Variants in HABP4 observed in about 807,000 individuals in gnomAD.
HABP4 encodes the protein intracellular hyaluronan-binding protein 4.
HABP4 carries 32 observed loss-of-function variants against 44.1 expected under a neutral mutation model. That is an observed-to-expected ratio of 0.73 (90% confidence interval 0.55 to 0.97). The LOEUF (loss-of-function observed/expected upper bound fraction) is 0.97. Ranked by LOEUF, HABP4 falls within the 50% of genes least tolerant of loss-of-function variation. The pLI is 0.00. For missense variants in HABP4, 503 were observed against 561.9 expected (o/e 0.90, Z 1.06); for synonymous variants, 216 against 218.0 (o/e 0.99, Z 0.08).
intron 1 of HABP4, among the ~76,000 whole-genome samples, chr9:96,454,485 C>G (rs1267262048): frequency 7.1e-6 from 1 of 141,248 alleles, no homozygotes; most frequent in Non-Finnish European, 1.5e-5. Flanking sequence ...GAGTCTCGCT[C>G]TGTTGCCCAG....
In HABP4 at chr9:96,450,723, G is replaced by C; in HGVS notation, c.349+95G>C. 9.6e-7 allele frequency: 1 copy of C among 1,043,688 alleles called. No homozygotes were observed. Among genetic ancestry groups the C allele is most frequent in the East Asian group, 3.5e-5 (1 of 28,542 alleles). 64.7% of individuals were successfully genotyped at this position (1,043,688 alleles called of 1,614,324 possible). A position where few individuals can be genotyped will look rare whatever the true frequency, so the allele number is the denominator to read the frequency against. ...TTTCAGGAGGAGGGGCCCGGGAACA[G>C]TAGGGAGAGTTGAGGGTCCTGGTGG... is the stretch of plus-strand genomic sequence containing the variant. On this transcript the variant is annotated intron_variant, in intron 1 of 7. Transcript: ENST00000375249. The surrounding 1 kb of genome is among the most constrained non-coding windows in gnomAD (Gnocchi z 4.8).
intron 6 of HABP4, among the ~76,000 whole-genome samples, chr9:96,486,935 C>T (rs1832985904): frequency 1.3e-5 from 2 of 152,100 alleles, no homozygotes; most frequent in East Asian, 3.8e-4. Context: ...AGCAGGGACC[C>T]CAGGGAGACC....
At chr9:96,487,804 C>T (rs1232001338) in intron 6 of HABP4, among the ~76,000 whole-genome samples, 2 of 152,184 alleles carry the variant, frequency 1.3e-5, no homozygotes, top group East Asian at 3.8e-4. Context: ...GAAATTTGGT[C>T]CCACTTGAAA....
At chr9:96,475,390 C>CAACAAA (rs368432005) in intron 5 of HABP4, among the ~76,000 whole-genome samples, 64 of 94,118 alleles carry the variant, frequency 6.8e-4, no homozygotes, top group African/African-American at 1.1e-3. Context: ...ACAACAACAA[C>CAACAAA]AAAAAAAAAA....
chr9:96,456,771 AAAAAAAAAAATAT>A lies in HABP4; in HGVS notation c.350-1606_350-1594del, dbSNP rs1187188836. ...CAAGACTCCATCTCAAAAAAAAAAA[AAAAAAAAAAATAT>A]ATATATATATATATATATATATATA... is the stretch of plus-strand genomic sequence containing the variant. On this transcript the variant is annotated intron_variant, in intron 1 of 7. Coordinates refer to ENST00000375249, the MANE Select transcript of HABP4 (RefSeq NM_014282.4). 5.7e-5 allele frequency among the ~76,000 whole-genome samples: 4 copies of A among 70,730 alleles called. No individual in the cohort carries two copies. The East Asian group carries it at 1.9e-3, about 33-fold the overall frequency. 46.4% of individuals were successfully genotyped at this position (70,730 alleles called of 152,430 possible). A position where few individuals can be genotyped will look rare whatever the true frequency, so the allele number is the denominator to read the frequency against.
At chr9:96,474,693 A>G (rs748012918) in intron 5 of HABP4, among the ~76,000 whole-genome samples, 6 of 152,184 alleles carry the variant, frequency 3.9e-5, no homozygotes, top group Non-Finnish European at 7.3e-5. Flanking sequence ...TAATAATACA[A>G]TTATAATTTT....
At chr9:96,480,306 A>G (rs187880755) in intron 5 of HABP4, among the ~76,000 whole-genome samples, 5 of 152,350 alleles carry the variant, frequency 3.3e-5, no homozygotes, top group Admixed American at 1.3e-4. Context: ...CCATAGCAGT[A>G]TATACAGATA....
Position 96,458,492 on chromosome 9 carries a change from G to C in HABP4, c.463G>C (p.Glu155Gln), listed in dbSNP as rs534804097. 6.2e-7 allele frequency: 1 copy of C among 1,613,606 alleles called. No homozygotes were observed. The highest frequency in any genetic ancestry group is 1.3e-5 in the African/African-American group (1 of 75,036). ...RRSYREYRPY[E>Q]TERQADFTAE... ...ATCCTACAGGGAATACCGACCCTAT[G>C]AGACAGAGAGGCAGGCAGACTTCAC... Residue 155 changes from glutamate (E) to glutamine (Q), a missense_variant, in exon 2 of 8, where the codon GAG becomes CAG. This residue lies in a region of HABP4 where 290 missense variants were observed against 300.5 expected (regional missense o/e 0.97). Coordinates refer to ENST00000375249, the MANE Select transcript of HABP4 (RefSeq NM_014282.4).
chr9:96,451,161 C>G (rs539215793), intron 1 of HABP4, among the ~76,000 whole-genome samples: 1 of 152,340 alleles, frequency 6.6e-6, no homozygotes, highest in South Asian at 2.1e-4. Context: ...TCCGGCCTGG[C>G]GCCTTCGCCC....
chr9:96,478,597 T>C (rs1187629243), intron 5 of HABP4, among the ~76,000 whole-genome samples: 1 of 152,154 alleles, frequency 6.6e-6, no homozygotes, highest in African/African-American at 2.4e-5. Context: ...ATGGTCAGTT[T>C]TTATAACTTT....
At chr9:96,475,427 T>C (rs1345877668) in intron 5 of HABP4, among the ~76,000 whole-genome samples, 1 of 150,870 alleles carries the variant, frequency 6.6e-6, no homozygotes, top group African/African-American at 2.5e-5. Flanking sequence ...GAATAACATT[T>C]TTAGAGCATT....
In HABP4 at chr9:96,488,710, C is replaced by A. The variant is rs1364308499; in HGVS notation, c.1185+436C>A. Among the ~76,000 whole-genome samples the A allele has an allele frequency of 1.3e-5, 2 of 152,262 alleles. No individual in the cohort carries two copies. The highest frequency in any genetic ancestry group is 2.1e-4 in the South Asian group (1 of 4,826). On this transcript the variant is annotated intron_variant, in intron 7 of 7. Coordinates refer to ENST00000375249, the MANE Select transcript of HABP4 (RefSeq NM_014282.4). This position sits in a 1 kb window ranked among gnomAD's most constrained non-coding sequence, Gnocchi z 4.6. ...CCTCCCCGGCTCACCTGCCTCACAC[C>A]GTCCTCAGCCAAGGCTGCCTGATTC...
At chr9:96,455,457 C>CAAA (rs34929442) in intron 1 of HABP4, among the ~76,000 whole-genome samples, 23 of 62,942 alleles carry the variant, frequency 3.7e-4, no homozygotes, top group African/African-American at 5.0e-4. Context: ...GAGACTGTCT[C>CAAA]AAAAAAAAAA....
intron 5 of HABP4, among the ~76,000 whole-genome samples, chr9:96,482,394 C>A (rs1384849624): frequency 6.6e-6 from 1 of 152,204 alleles, no homozygotes; most frequent in African/African-American, 2.4e-5. Context: ...GTTCCTTTTG[C>A]ACCTGGCTTA....
chr9:96,484,632 A>T lies in HABP4; in HGVS notation c.998A>T (p.Asp333Val). The change falls in exon 6 of 8, where the codon GAT (aspartate) becomes GTT (valine). Residue 333 changes from aspartate (D) to valine (V), a missense_variant and splice_region_variant. Physicochemically the swap from Asp to Val is radical, Grantham distance 152 (BLOSUM62 -3). Around this residue, in one of 3 missense-constraint regions of HABP4, gnomAD observed 131 missense variants for 189.8 expected, o/e 0.69. Coordinates refer to ENST00000375249, the MANE Select transcript of HABP4 (RefSeq NM_014282.4). ...ATTCACAAGTCAAAATACAGAGATGATGTAAGCATTGCATTTCGTATGTAG... is the reference window on the plus strand; with the variant it reads ...ATTCACAAGTCAAAATACAGAGATGTTGTAAGCATTGCATTTCGTATGTAG... ...VVIHKSKYRD[D>V]MVKDDYEDDS... 2 of 1,526,596 alleles carry T rather than the reference A, an allele frequency of 1.3e-6. No homozygotes were observed. The highest frequency in any genetic ancestry group is 1.8e-6 in the Non-Finnish European group (2 of 1,102,164). The allele number at this position is 1,526,596 out of a possible 1,614,324, so 94.6% of individuals were successfully genotyped here.
intron 2 of HABP4, among the ~76,000 whole-genome samples, chr9:96,461,868 A>G (rs1564160899): frequency 6.6e-6 from 1 of 152,186 alleles, no homozygotes; most frequent in African/African-American, 2.4e-5. Flanking sequence ...GCTATAAGAA[A>G]TGCTCTTGGC....
In HABP4 at chr9:96,488,429, G is replaced by A. The variant is rs1036740166; in HGVS notation, c.1185+155G>A. Among the ~76,000 whole-genome samples, 3 of 152,172 alleles carry A rather than the reference G, an allele frequency of 2.0e-5. No homozygotes were observed. Among genetic ancestry groups the A allele is most frequent in the African/African-American group, 7.2e-5 (3 of 41,432 alleles). ...GTTGGGGCATTTGGACGGTGTTGTA[G>A]CATCATGGACATCTTGCCTAGAGAC... is the stretch of plus-strand genomic sequence containing the variant. On this transcript the variant is annotated intron_variant, in intron 7 of 7. Coordinates refer to ENST00000375249, the MANE Select transcript of HABP4 (RefSeq NM_014282.4). This position sits in a 1 kb window ranked among gnomAD's most constrained non-coding sequence, Gnocchi z 4.6.
chr9:96,467,190 T>C (rs1337492313), intron 4 of HABP4, among the ~76,000 whole-genome samples: 1 of 152,166 alleles, frequency 6.6e-6, no homozygotes, highest in Non-Finnish European at 1.5e-5. Context: ...CCCAAAGTGC[T>C]GGGATTACAG....
At chr9:96,465,922 G>C in intron 4 of HABP4, 144 bp downstream of exon 4, 1 of 597,830 alleles carries the variant, frequency 1.7e-6, no homozygotes. Context: ...CTTTTGTTTC[G>C]TGAGATAAGT....
Sources: allele counts gnomAD v4.1 joint callset (sites outside exome capture counted in the v4.1 genomes callset), GRCh38; gene constraint gnomAD v4.1.1; regional missense constraint gnomAD v4.1.1; non-coding constraint Gnocchi (gnomAD v3.1); transcripts MANE v1.5; gene names NCBI Gene and HGNC (gene_info 2026-07-23, HGNC 2026-07-21).